Variants in PARD3 observed in about 807,000 individuals in gnomAD.
PARD3 encodes the protein partitioning defective 3 homolog.
Under a neutral mutation model 155.4 loss-of-function variants are expected in PARD3, and 75 were observed. The ratio of observed to expected loss-of-function variants is 0.48; its 90% CI spans 0.40 to 0.58. The LOEUF (loss-of-function observed/expected upper bound fraction) is 0.58, where lower values mean the gene tolerates loss of function less well. Ranked by LOEUF, PARD3 falls within the 20% of genes least tolerant of loss-of-function variation. PARD3 has a pLI of 0.00. For missense variants in PARD3, 1,642 were observed against 1,721.7 expected (o/e 0.95, Z 0.82); for synonymous variants, 576 against 610.5 (o/e 0.94, Z 0.83).
intron 5 of PARD3, among the ~76,000 whole-genome samples, chr10:34,421,308 CTAGT>C (rs1846164210): frequency 6.7e-6 from 1 of 149,968 alleles, no homozygotes; most frequent in African/African-American, 2.4e-5. Flanking sequence ...ATTATTATAA[CTAGT>C]TATTTAAGTA....
At chr10:34,212,340 G>C (rs1951793494) in intron 22 of PARD3, among the ~76,000 whole-genome samples, 1 of 152,134 alleles carries the variant, frequency 6.6e-6, no homozygotes, top group African/African-American at 2.4e-5. Context: ...TCTGGTGGTT[G>C]TCAACACCTC....
chr10:34,145,114 T>A (rs972092609), intron 22 of PARD3, among the ~76,000 whole-genome samples: 5 of 150,122 alleles, frequency 3.3e-5, no homozygotes, highest in African/African-American at 1.2e-4. Flanking sequence ...TGCTCTATTA[T>A]CTTCTAGCTT....
At chr10:34,254,444 A>G (rs991985641) in intron 22 of PARD3, among the ~76,000 whole-genome samples, 4 of 152,140 alleles carry the variant, frequency 2.6e-5, no homozygotes, top group Non-Finnish European at 5.9e-5. Flanking sequence ...CATTTGTTAT[A>G]ACATCTATGA....
intron 1 of PARD3, among the ~76,000 whole-genome samples, chr10:34,712,283 C>T (rs1047161431): frequency 6.6e-6 from 1 of 152,120 alleles, no homozygotes; most frequent in East Asian, 1.9e-4. Flanking sequence ...AGCCTAAGTC[C>T]CTAAACCACA....
chr10:34,201,225 G>A (rs1951194601), intron 22 of PARD3, among the ~76,000 whole-genome samples: 1 of 152,164 alleles, frequency 6.6e-6, no homozygotes, highest in Admixed American at 6.5e-5. Flanking sequence ...AGGATAAAGG[G>A]AACCAAGGCA....
chr10:34,328,577 C>T (rs1835290073), intron 19 of PARD3, among the ~76,000 whole-genome samples: 2 of 152,176 alleles, frequency 1.3e-5, no homozygotes, highest in Admixed American at 6.5e-5. Flanking sequence ...GAAGGTGACA[C>T]TGGTGGCCTT....
intron 20 of PARD3, among the ~76,000 whole-genome samples, chr10:34,302,649 A>G (rs892973765): frequency 1.3e-5 from 2 of 152,150 alleles, no homozygotes; most frequent in African/African-American, 4.8e-5. Context: ...CTGTGCCCAT[A>G]CCTGTACACG....
intron 2 of PARD3, among the ~76,000 whole-genome samples, chr10:34,652,278 C>T (rs2093036195): frequency 1.3e-5 from 2 of 152,154 alleles, no homozygotes; most frequent in South Asian, 2.1e-4. Context: ...CTTTGCTGGT[C>T]CACTACCAGT....
chr10:34,374,907 A>C lies in PARD3; in HGVS notation c.1635T>G (p.Phe545Leu). 6.2e-7 allele frequency: 1 copy of C among 1,614,012 alleles called. No individual in the cohort carries two copies. ...KMEGTVSLLVFRQEDAFHPRE... is the reference protein window; with the variant it reads ...KMEGTVSLLVLRQEDAFHPRE... ...TTGGGTGGAAGGCGTCTTCCTGGCG[A>C]AAGACCAGAAGGCTCACAGTTCCTT... The change falls in exon 11 of 25, where the codon TTT (phenylalanine) becomes TTG (leucine). Residue 545 changes from phenylalanine to leucine, a missense_variant. Physicochemically the swap from Phe to Leu is conservative, Grantham distance 22. Coordinates refer to ENST00000374788, the MANE Select transcript of PARD3 (RefSeq NM_001184785.2).
At chr10:34,529,790 G>A (rs1168648118) in intron 2 of PARD3, among the ~76,000 whole-genome samples, 1 of 151,756 alleles carries the variant, frequency 6.6e-6, no homozygotes, top group African/African-American at 2.4e-5. Context: ...CTGGAGTGCA[G>A]TGGTGCAATC....
intron 1 of PARD3, among the ~76,000 whole-genome samples, chr10:34,713,509 G>A (rs1296777077): frequency 2.0e-5 from 3 of 151,774 alleles, no homozygotes; most frequent in Admixed American, 1.3e-4. Flanking sequence ...TGTAATCCCA[G>A]AACACTTTGG....
At chr10:34,433,474 C>CTCTTAGTT (rs1554856112) in intron 5 of PARD3, among the ~76,000 whole-genome samples, 1 of 152,084 alleles carries the variant, frequency 6.6e-6, no homozygotes, top group Non-Finnish European at 1.5e-5. Flanking sequence ...ACATTAATAC[C>CTCTTAGTT]AAAGTCTCAG....
chr10:34,145,189 GTATA>G (rs575139416), intron 22 of PARD3, among the ~76,000 whole-genome samples: 740 of 49,538 alleles, frequency 0.015, 27 homozygotes, highest in Middle Eastern at 0.048. Flanking sequence ...GTGTGTGTGT[GTATA>G]TATATATATA....
rs185675265 is a variant in PARD3, at chr10:34,317,377, C to A, written c.2834-39G>T. The A allele has an allele frequency of 2.6e-5, 41 of 1,558,474 alleles. No homozygotes were observed. The African/African-American group carries it at 5.5e-4, about 21-fold the overall frequency. ...AAAAAAAAATAGGGACACAGTGAAC[C>A]AACGCAACAAAAATAATAAAGCTAA... On this transcript the variant is annotated intron_variant, in intron 19 of 24. Transcript: ENST00000374788.
Position 34,777,697 on chromosome 10 carries a change from A to ATTTT in PARD3, c.120+37175_120+37178dup, listed in dbSNP as rs879287108. ...AGGCATGCACTACAACAGTCAGCTA[A>ATTTT]TTTTTTTTTTTTTTTAAGAGATGGG... On this transcript the variant is annotated intron_variant, in intron 1 of 24. Coordinates refer to ENST00000374788, the MANE Select transcript of PARD3 (RefSeq NM_001184785.2). 6.1e-4 allele frequency among the ~76,000 whole-genome samples: 88 copies of ATTTT among 144,410 alleles called. 1 individual carries two copies. Among genetic ancestry groups the ATTTT allele is most frequent in the African/African-American group, 2.2e-3 (85 of 39,336 alleles). The allele number at this position is 144,410 out of a possible 152,430, so 94.7% of individuals were successfully genotyped here.
intron 22 of PARD3, among the ~76,000 whole-genome samples, chr10:34,148,813 T>A (rs1027393985): frequency 1.3e-5 from 2 of 152,200 alleles, no homozygotes. Flanking sequence ...CCCTTTTATA[T>A]GTCAAAAACT....
At chr10:34,559,909 G>C (rs2085323362) in intron 2 of PARD3, among the ~76,000 whole-genome samples, 2 of 152,170 alleles carry the variant, frequency 1.3e-5, no homozygotes, top group African/African-American at 4.8e-5. Context: ...GAGATGAACT[G>C]AGATCGTTCA....
At chr10:34,697,120 A>G (rs1241439939) in intron 1 of PARD3, among the ~76,000 whole-genome samples, 1 of 152,008 alleles carries the variant, frequency 6.6e-6, no homozygotes, top group African/African-American at 2.4e-5. Flanking sequence ...AAAGGACATC[A>G]TTTTAAATTT....
intron 2 of PARD3, among the ~76,000 whole-genome samples, chr10:34,614,476 A>C (rs1268882615): frequency 6.6e-6 from 1 of 152,266 alleles, no homozygotes; most frequent in Non-Finnish European, 1.5e-5. Flanking sequence ...ATGAATGATA[A>C]ACAGTTTATT....
Sources: allele counts gnomAD v4.1 joint callset (sites outside exome capture counted in the v4.1 genomes callset), GRCh38; gene constraint gnomAD v4.1.1; transcripts MANE v1.5; gene names NCBI Gene and HGNC (gene_info 2026-07-23, HGNC 2026-07-21).